The following KLF6 variants were observed in gnomAD, a reference collection of about 807,000 sequenced individuals.
The protein encoded by KLF6 is Krueppel-like factor 6.
For missense variants in KLF6, 233 were observed against 359.8 expected, an observed-to-expected ratio of 0.65 and a Z score of 2.85; for synonymous variants, 152 against 147.9, an observed-to-expected ratio of 1.03 and a Z score of -0.20.
chr10:3,777,508 C>A lies in KLF6; in HGVS notation c.*2031G>T, dbSNP rs779147376. 2 of 512,488 alleles carry A rather than the reference C, an allele frequency of 3.9e-6. No homozygotes were observed. The highest frequency in any genetic ancestry group is 7.6e-6 in the Non-Finnish European group (2 of 262,482). 31.7% of individuals were successfully genotyped at this position (512,488 alleles called of 1,614,324 possible). ...GCATTCTGTTCAGGCCACTTCTGAA[C>A]GGCCGAAGGTGCCCCATTCCAGACC... is the stretch of plus-strand genomic sequence containing the variant. On this transcript the variant is annotated 3_prime_UTR_variant, in exon 4 of 4. Transcript: ENST00000497571.
rs751886217 is a variant in KLF6, at chr10:3,776,932, C to CT, written c.*2606dup. The CT allele has an allele frequency of 0.045, 17,658 of 389,524 alleles. 5 individuals carry two copies. Among genetic ancestry groups the CT allele is most frequent in the South Asian group, 0.076 (3,438 of 44,996 alleles). The allele number at this position is 389,524 out of a possible 1,614,324, so 24.1% of individuals were successfully genotyped here. On this transcript the variant is annotated 3_prime_UTR_variant, in exon 4 of 4. Coordinates refer to ENST00000497571, the MANE Select transcript of KLF6 (RefSeq NM_001300.6). ...AAGCCAGTGCAAGTTTTTTTTTTTC[C>CT]TTTTTTTTTTTTTGTCTTTTGCTTA...
rs1367252319 is a variant in KLF6 at position 3,777,535 on chromosome 10, G to C, written c.*2004C>G. On this transcript the variant is annotated 3_prime_UTR_variant, in exon 4 of 4. Transcript: ENST00000497571. ...GCCGAAGGTGCCCCATTCCAGACCTGCCCATTTGATGGACAGAGCAGACAG... is the reference window on the plus strand; with the variant it reads ...GCCGAAGGTGCCCCATTCCAGACCTCCCCATTTGATGGACAGAGCAGACAG... 2 of 511,592 alleles carry C rather than the reference G, an allele frequency of 3.9e-6. No homozygotes were observed. The highest frequency in any genetic ancestry group is 8.6e-5 in the East Asian group (2 of 23,250). The allele number at this position is 511,592 out of a possible 1,614,324, so 31.7% of individuals were successfully genotyped here.
In KLF6 at chr10:3,778,631, A is replaced by C. The variant is rs1044229178; in HGVS notation, c.*908T>G. 1.9e-6 allele frequency: 1 copy of C among 514,856 alleles called. No individual in the cohort carries two copies. Among genetic ancestry groups the C allele is most frequent in the Non-Finnish European group, 3.8e-6 (1 of 264,938 alleles). 31.9% of individuals were successfully genotyped at this position (514,856 alleles called of 1,614,324 possible). A position where few individuals can be genotyped will look rare whatever the true frequency, so the allele number is the denominator to read the frequency against. On this transcript the variant is annotated 3_prime_UTR_variant, in exon 4 of 4. Coordinates refer to ENST00000497571, the MANE Select transcript of KLF6 (RefSeq NM_001300.6). ...TGTTACAAACTTGGAGGGGAAAAAA[A>C]ATTGTATATTGCCAGGCCCGGATGG...
In KLF6 at chr10:3,779,253, C is replaced by T. The variant is rs1832466745; in HGVS notation, c.*286G>A. The T allele has an allele frequency of 8.3e-6, 5 of 605,150 alleles. No homozygotes were observed. The Admixed American group carries it at 1.1e-4, about 13-fold the overall frequency. 37.5% of individuals were successfully genotyped at this position (605,150 alleles called of 1,614,324 possible). On this transcript the variant is annotated 3_prime_UTR_variant, in exon 4 of 4. Transcript: ENST00000497571. ...GATCCTCAACATACAATCAACCCAA[C>T]CATTAGCATTCTCAGTGTGCATGCT...
chr10:3,783,645 G>T (rs1482146460), intron 1 of KLF6, among the ~76,000 whole-genome samples: 1 of 152,218 alleles, frequency 6.6e-6, no homozygotes, highest in Non-Finnish European at 1.5e-5. Flanking sequence ...ACAGCGTTCT[G>T]AAGAGAGGCA....
At chr10:3,784,869 C>T (rs1156894316) in intron 1 of KLF6, 44 bp downstream of exon 1, 1 of 1,575,866 alleles carries the variant, frequency 6.3e-7, no homozygotes, top group Non-Finnish European at 8.6e-7. Context: ...CCGACCCGGC[C>T]CGCGCCCCGG....
chr10:3,777,083 G>A lies in KLF6; in HGVS notation c.*2456C>T, dbSNP rs1156478330. 1.9e-6 allele frequency: 1 copy of A among 513,800 alleles called. No individual in the cohort carries two copies. Among genetic ancestry groups the A allele is most frequent in the South Asian group, 1.5e-5 (1 of 64,992 alleles). The allele number at this position is 513,800 out of a possible 1,614,324, so 31.8% of individuals were successfully genotyped here. A position where few individuals can be genotyped will look rare whatever the true frequency, so the allele number is the denominator to read the frequency against. ...AAGAAAACTGCACTTCCCCTCTTAA[G>A]TAAAACGAAATGAGTTTCTTAGGTA... On this transcript the variant is annotated 3_prime_UTR_variant, in exon 4 of 4. Coordinates refer to ENST00000497571, the MANE Select transcript of KLF6 (RefSeq NM_001300.6).
Position 3,779,502 on chromosome 10 carries a change from A to G in KLF6, c.*37T>C, listed in dbSNP as rs1420322290. The stretch of plus-strand genomic sequence containing the variant: ...CTTCCACGGCCGGCTCTCAGCCTGG[A>G]AGCCTTTTAGCCTACAGGATCCACC... On this transcript the variant is annotated 3_prime_UTR_variant, in exon 4 of 4. Coordinates refer to ENST00000497571, the MANE Select transcript of KLF6 (RefSeq NM_001300.6). 6.3e-7 allele frequency: 1 copy of G among 1,575,242 alleles called. No homozygotes were observed. The highest frequency in any genetic ancestry group is 1.3e-5 in the African/African-American group (1 of 74,220).
At position 3,780,296 on chromosome 10, in the gene KLF6, A is replaced by G; in HGVS notation, c.677-67T>C. 7 of 1,594,334 alleles carry G rather than the reference A, an allele frequency of 4.4e-6. No homozygotes were observed. Among genetic ancestry groups the G allele is most frequent in the Non-Finnish European group, 6.0e-6 (7 of 1,170,118 alleles). ...ACCCGCAGACGGAAAGGGGAAATTC[A>G]ACAACACACACAGTGGTGGGATGCA... On this transcript the variant is annotated intron_variant, in intron 2 of 3. Coordinates refer to ENST00000497571, the MANE Select transcript of KLF6 (RefSeq NM_001300.6). This position sits in a 1 kb window ranked among gnomAD's most constrained non-coding sequence, Gnocchi z 4.6.
At position 3,778,264 on chromosome 10, in the gene KLF6, C is replaced by T. The variant is rs1218145090; in HGVS notation, c.*1275G>A. On this transcript the variant is annotated 3_prime_UTR_variant, in exon 4 of 4. Transcript: ENST00000497571. ...ATCGCCCACACCCCTGTATGAGACCCCCACAGAAGGGATCGCTTGCGTAAG... is the reference window on the plus strand; with the variant it reads ...ATCGCCCACACCCCTGTATGAGACCTCCACAGAAGGGATCGCTTGCGTAAG... 1 of 527,216 alleles carries T rather than the reference C, an allele frequency of 1.9e-6. No homozygotes were observed. The allele number at this position is 527,216 out of a possible 1,614,324, so 32.7% of individuals were successfully genotyped here. A position where few individuals can be genotyped will look rare whatever the true frequency, so the allele number is the denominator to read the frequency against.
Position 3,777,943 on chromosome 10 carries a change from T to C in KLF6, c.*1596A>G, listed in dbSNP as rs2131092296. The stretch of plus-strand genomic sequence containing the variant: ...GGGGGTTTTTTAATACTTCTGTATC[T>C]TTAATATGTGTGAAAATGTTACATA... On this transcript the variant is annotated 3_prime_UTR_variant, in exon 4 of 4. Transcript: ENST00000497571. 2 of 496,862 alleles carry C rather than the reference T, an allele frequency of 4.0e-6. No homozygotes were observed. The highest frequency in any genetic ancestry group is 3.1e-5 in the South Asian group (2 of 64,534). The allele number at this position is 496,862 out of a possible 1,614,324, so 30.8% of individuals were successfully genotyped here.
intron 1 of KLF6, among the ~76,000 whole-genome samples, chr10:3,783,950 G>A (rs1832589308): frequency 6.6e-6 from 1 of 152,186 alleles, no homozygotes; most frequent in Admixed American, 6.5e-5. Context: ...GGAAAAGGCA[G>A]GAGAGGACTG....
Position 3,777,458 on chromosome 10 carries a change from G to A in KLF6, c.*2081C>T, listed in dbSNP as rs2131091323. On this transcript the variant is annotated 3_prime_UTR_variant, in exon 4 of 4. Coordinates refer to ENST00000497571, the MANE Select transcript of KLF6 (RefSeq NM_001300.6). Reference sequence around the variant, plus strand: ...TGAAATTCAAAATCAAAACCTTAGTGTGTCCGAGTCCAGCCTGGGTTCCAG... The same window carrying A: ...TGAAATTCAAAATCAAAACCTTAGTATGTCCGAGTCCAGCCTGGGTTCCAG... 1 of 511,536 alleles carries A rather than the reference G, an allele frequency of 2.0e-6. No homozygotes were observed. Among genetic ancestry groups the A allele is most frequent in the Admixed American group, 2.3e-5 (1 of 44,224 alleles). 31.7% of individuals were successfully genotyped at this position (511,536 alleles called of 1,614,324 possible). A position where few individuals can be genotyped will look rare whatever the true frequency, so the allele number is the denominator to read the frequency against.
In KLF6 at chr10:3,782,110, C is replaced by G; in HGVS notation, c.207G>C (p.Leu69=). ...SQEDLWTKII[L]AREKKEESEL... Reference sequence around the variant, plus strand: ...CGGATTCCTCCTTTTTCTCCCGAGCCAGAATGATTTTGGTCCACAGATCTT... The same window carrying G: ...CGGATTCCTCCTTTTTCTCCCGAGCGAGAATGATTTTGGTCCACAGATCTT... Residue 69 remains leucine, a synonymous_variant, in exon 2 of 4, where the codon CTG becomes CTC. Transcript: ENST00000497571. This position sits in a 1 kb window ranked among gnomAD's most constrained non-coding sequence, Gnocchi z 4.3. The G allele has an allele frequency of 6.2e-7, 1 of 1,614,114 alleles. No homozygotes were observed. Among genetic ancestry groups the G allele is most frequent in the Non-Finnish European group, 8.5e-7 (1 of 1,179,994 alleles).
rs1232595613 is a variant in KLF6, at chr10:3,777,129, T to A, written c.*2410A>T. On this transcript the variant is annotated 3_prime_UTR_variant, in exon 4 of 4. Coordinates refer to ENST00000497571, the MANE Select transcript of KLF6 (RefSeq NM_001300.6). ...AGGTAAATGTATTCATCAGCCCAGA[T>A]AAAAAAAAAACCAGTTATGTGAGCG... is the stretch of plus-strand genomic sequence containing the variant. The A allele has an allele frequency of 1.5e-5, 7 of 481,042 alleles. No homozygotes were observed. Among genetic ancestry groups the A allele is most frequent in the East Asian group, 4.7e-5 (1 of 21,380 alleles). The allele number at this position is 481,042 out of a possible 1,614,324, so 29.8% of individuals were successfully genotyped here. A position where few individuals can be genotyped will look rare whatever the true frequency, so the allele number is the denominator to read the frequency against.
rs1832367588 is a variant in KLF6 at position 3,776,161 on chromosome 10, G to A, written c.*3378C>T. ...GCTGGGGAAGGTAGGCCCAGCTCTAGCTGCGGAACTGGAGCAGGCTGTGGA... is the reference window on the plus strand; with the variant it reads ...GCTGGGGAAGGTAGGCCCAGCTCTAACTGCGGAACTGGAGCAGGCTGTGGA... On this transcript the variant is annotated 3_prime_UTR_variant, in exon 4 of 4. Transcript: ENST00000497571. 1.9e-6 allele frequency: 1 copy of A among 530,678 alleles called. No homozygotes were observed. The highest frequency in any genetic ancestry group is 3.6e-6 in the Non-Finnish European group (1 of 274,036). The allele number at this position is 530,678 out of a possible 1,614,324, so 32.9% of individuals were successfully genotyped here.
At position 3,780,066 on chromosome 10, in the gene KLF6, G is replaced by A. The variant is rs776729504; in HGVS notation, c.800+40C>T. 1.9e-6 allele frequency: 3 copies of A among 1,613,066 alleles called. No homozygotes were observed. Among genetic ancestry groups the A allele is most frequent in the East Asian group, 2.2e-5 (1 of 44,872 alleles). On this transcript the variant is annotated intron_variant, in intron 3 of 3. Coordinates refer to ENST00000497571, the MANE Select transcript of KLF6 (RefSeq NM_001300.6). The surrounding 1 kb of genome is among the most constrained non-coding windows in gnomAD (Gnocchi z 4.6). ...CAACCCTGGTCATCACATTCCCAAG[G>A]CCCCACGCTCCTTGCCCAGCATTGT... is the stretch of plus-strand genomic sequence containing the variant.
In KLF6 at chr10:3,778,896, A is replaced by T. The variant is rs998434789; in HGVS notation, c.*643T>A. On this transcript the variant is annotated 3_prime_UTR_variant, in exon 4 of 4. Coordinates refer to ENST00000497571, the MANE Select transcript of KLF6 (RefSeq NM_001300.6). ...AGCTACTTGACACATTGCACATTTA[A>T]TAGCTGCACCAGACACTAAGAGTTC... 13 of 534,458 alleles carry T rather than the reference A, an allele frequency of 2.4e-5. No homozygotes were observed. The highest frequency in any genetic ancestry group is 1.7e-4 in the South Asian group (11 of 65,180). The allele number at this position is 534,458 out of a possible 1,614,324, so 33.1% of individuals were successfully genotyped here.
chr10:3,782,934 C>T lies in KLF6; in HGVS notation c.103-720G>A, dbSNP rs1832564849. On this transcript the variant is annotated intron_variant, in intron 1 of 3. Transcript: ENST00000497571. This position sits in a 1 kb window ranked among gnomAD's most constrained non-coding sequence, Gnocchi z 4.3. ...ACAGTGGTCAGAGAAAAACAAGGAA[C>T]TTCAACAACAGGAGTGCAGAAATAA... is the stretch of plus-strand genomic sequence containing the variant. 6.6e-6 allele frequency among the ~76,000 whole-genome samples: 1 copy of T among 152,222 alleles called. No homozygotes were observed. Among genetic ancestry groups the T allele is most frequent in the South Asian group, 2.1e-4 (1 of 4,834 alleles).
Sources: allele counts gnomAD v4.1 joint callset (sites outside exome capture counted in the v4.1 genomes callset), GRCh38; gene constraint gnomAD v4.1.1; non-coding constraint Gnocchi (gnomAD v3.1); transcripts MANE v1.5; gene names NCBI Gene and HGNC (gene_info 2026-07-23, HGNC 2026-07-21).